The following DDX17 variants were observed in gnomAD, a reference collection of about 807,000 sequenced individuals.
DDX17 encodes the protein DEAD-box helicase 17.
A neutral mutation model predicts 80.8 loss-of-function variants in DDX17; 10 were observed. That is an observed-to-expected ratio of 0.12 (90% CI 0.08 to 0.21). The LOEUF (loss-of-function observed/expected upper bound fraction) is 0.21. Ranked by LOEUF, DDX17 falls within the 10% of genes least tolerant of loss-of-function variation. DDX17 has a pLI of 1.00. For synonymous variants in DDX17, 339 were observed against 336.2 expected (o/e 1.01, Z -0.09); for missense variants, 586 against 957.4 (o/e 0.61, Z 5.12).
chr22:38,495,669 T>G, intron 6 of DDX17, 127 bp downstream of exon 6: 1 of 722,474 alleles, frequency 1.4e-6, no homozygotes, highest in Non-Finnish European at 2.1e-6. Context: ...TTTAGTCACA[T>G]CTGAGAATTT....
At position 38,485,968 on chromosome 22, in the gene DDX17, A is replaced by G. The variant is rs749190419; in HGVS notation, c.2157T>C (p.Pro719=). 3 of 1,613,648 alleles carry G rather than the reference A, an allele frequency of 1.9e-6. No homozygotes were observed. In the East Asian group the frequency reaches 6.7e-5, roughly 36 times the overall value. ...GTGAAGGAGGAGGAGGGGGAGGAGG[A>G]GGAGGGTATTGGTAGGCAGTCTGCC... The change falls in exon 13 of 13, where the codon CCT becomes CCC. Residue 719 remains proline, a synonymous_variant. Coordinates refer to ENST00000403230, the MANE Select transcript of DDX17 (RefSeq NM_006386.5).
chr22:38,485,881 A>G lies in DDX17; in HGVS notation c.*54T>C. 6.4e-7 allele frequency: 1 copy of G among 1,562,628 alleles called. No individual in the cohort carries two copies. Among genetic ancestry groups the G allele is most frequent in the Non-Finnish European group, 8.7e-7 (1 of 1,156,032 alleles). On this transcript the variant is annotated 3_prime_UTR_variant, in exon 13 of 13. Coordinates refer to ENST00000403230, the MANE Select transcript of DDX17 (RefSeq NM_006386.5). The stretch of plus-strand genomic sequence containing the variant: ...CGAAGAGGAAAAAAAAAGGAAAGAC[A>G]GTGTTCCTTAAAATGTAATTAAGTC...
Position 38,501,249 on chromosome 22 carries a change from G to A in DDX17, c.319C>T (p.Pro107Ser), listed in dbSNP as rs765187619. The A allele has an allele frequency of 6.2e-7, 1 of 1,612,152 alleles. No individual in the cohort carries two copies. Among genetic ancestry groups the A allele is most frequent in the African/African-American group, 1.3e-5 (1 of 74,758 alleles). The change falls in exon 2 of 13, where the codon CCG (proline) becomes TCG (serine). Residue 107 changes from proline to serine, a missense_variant. Physicochemically the swap from Pro to Ser is moderately conservative, Grantham distance 74. Transcript: ENST00000403230. ...TCCCCAGGATTACCAAATTTCTTCG[G>A]GGGAAGGCCACCACCACCTCTTGCT...
intron 12 of DDX17, among the ~76,000 whole-genome samples, chr22:38,487,329 C>T (rs572621735): frequency 6.8e-6 from 1 of 147,768 alleles, no homozygotes; most frequent in South Asian, 2.1e-4. Flanking sequence ...ACTCCACAGA[C>T]CAGCCTCAGC....
rs1454476583 is a variant in DDX17, at chr22:38,506,195, G to A, written c.43C>T (p.Pro15Ser). 2 of 1,606,100 alleles carry A rather than the reference G, an allele frequency of 1.2e-6. No homozygotes were observed. Among genetic ancestry groups the A allele is most frequent in the African/African-American group, 2.7e-5 (2 of 74,534 alleles). The change falls in exon 1 of 13, where the codon CCG becomes TCG. Residue 15 changes from proline (P) to serine (S), a missense_variant. Around this residue, in one of 4 missense-constraint regions of DDX17, gnomAD observed 215 missense variants for 238.4 expected, o/e 0.90. Coordinates refer to ENST00000403230, the MANE Select transcript of DDX17 (RefSeq NM_006386.5). ...GTCGCCGCCTCTCTCGTCGGAGACG[G>A]GAGCAAAACACAGAGAATCGGGGCT... is the stretch of plus-strand genomic sequence containing the variant.
chr22:38,506,001 G>A lies in DDX17; in HGVS notation c.237C>T (p.Thr79=), dbSNP rs772915555. ...GGTCCCCAAAGCCTCCTCCGCGCATGGTCCCAAAAGGATAGAGATCTGGGA... is the reference window on the plus strand; with the variant it reads ...GGTCCCCAAAGCCTCCTCCGCGCATAGTCCCAAAAGGATAGAGATCTGGGA... Residue 79 remains threonine (T), a synonymous_variant, in exon 1 of 13, where the codon ACC becomes ACT. Transcript: ENST00000403230. 51 of 1,592,978 alleles carry A rather than the reference G, an allele frequency of 3.2e-5. No individual in the cohort carries two copies. The highest frequency in any genetic ancestry group is 3.8e-5 in the Non-Finnish European group (44 of 1,170,378).
Position 38,503,512 on chromosome 22 carries a change from T to C in DDX17, c.288-2232A>G, listed in dbSNP as rs951241668. Among the ~76,000 whole-genome samples, 25 of 152,352 alleles carry C rather than the reference T, an allele frequency of 1.6e-4. 1 individual carries two copies. The highest frequency in any genetic ancestry group is 5.8e-4 in the African/African-American group (24 of 41,582). Reference sequence around the variant, plus strand: ...ACATTTAATTTGAAACATGTGGTTCTTGGAAAATATGCCGTCTTCCATGTT... The same window carrying C: ...ACATTTAATTTGAAACATGTGGTTCCTGGAAAATATGCCGTCTTCCATGTT... On this transcript the variant is annotated intron_variant, in intron 1 of 12. Transcript: ENST00000403230.
intron 6 of DDX17, 93 bp from the exon 7 acceptor site, chr22:38,495,139 G>A (rs978603412): frequency 3.1e-6 from 4 of 1,280,960 alleles, no homozygotes; most frequent in Non-Finnish European, 3.2e-6. Flanking sequence ...CGGGAAGATC[G>A]CTTGAGGCCA....
chr22:38,498,591 T>G lies in DDX17; in HGVS notation c.539-18A>C, dbSNP rs751288188. ...TACATATTCTGTAAGAGAATTTTAT[T>G]TTGCGTATTTTATTGTGTTTAAAGA... On this transcript the variant is annotated intron_variant, in intron 3 of 12. Coordinates refer to ENST00000403230, the MANE Select transcript of DDX17 (RefSeq NM_006386.5). The G allele has an allele frequency of 1.1e-5, 17 of 1,612,736 alleles. No homozygotes were observed. Among genetic ancestry groups the G allele is most frequent in the Non-Finnish European group, 1.4e-5 (17 of 1,178,964 alleles).
chr22:38,486,170 G>C lies in DDX17; in HGVS notation c.1955C>G (p.Ala652Gly), dbSNP rs770318416. ...ATAAGTGCCAGCACCATATTCTTGA[G>C]CTGTATAGCTACTGGTGCCATAAGC... is the stretch of plus-strand genomic sequence containing the variant. The change falls in exon 13 of 13, where the codon GCT becomes GGT. Residue 652 changes from alanine (A) to glycine (G), a missense_variant. Physicochemically the swap from Ala to Gly is moderately conservative, Grantham distance 60 (BLOSUM62 0). This residue lies in a region of DDX17 where 221 missense variants were observed against 261.4 expected (regional missense o/e 0.85). Coordinates refer to ENST00000403230, the MANE Select transcript of DDX17 (RefSeq NM_006386.5). The C allele has an allele frequency of 6.2e-7, 1 of 1,614,234 alleles. No individual in the cohort carries two copies. Among genetic ancestry groups the C allele is most frequent in the Non-Finnish European group, 8.5e-7 (1 of 1,180,040 alleles).
chr22:38,486,507 T>G (rs1375334080), intron 12 of DDX17, 67 bp from the exon 13 acceptor site: 1 of 1,468,738 alleles, frequency 6.8e-7, no homozygotes, highest in Non-Finnish European at 9.0e-7. Context: ...ATGTAAAAAT[T>G]CTACTGGGTA....
intron 11 of DDX17, chr22:38,488,850 C>T (rs765431479): frequency 7.1e-6 from 7 of 985,146 alleles, no homozygotes; most frequent in Admixed American, 6.2e-5. Flanking sequence ...GATATTTTTG[C>T]TCAACTCAAG....
rs761392590 is a variant in DDX17, at chr22:38,488,126, AATG to A, written c.1448-14_1448-12del. ...TGACATCTTCCACATCTTCCACGTC[AATG>A]ATGAGTCAGTGTGTAGGTTGATGTG... On this transcript the variant is annotated splice_polypyrimidine_tract_variant and intron_variant, in intron 11 of 12. Coordinates refer to ENST00000403230, the MANE Select transcript of DDX17 (RefSeq NM_006386.5). The A allele has an allele frequency of 3.7e-6, 6 of 1,614,140 alleles. No homozygotes were observed. The highest frequency in any genetic ancestry group is 1.1e-5 in the South Asian group (1 of 91,080).
chr22:38,501,686 G>GA (rs1029434032), intron 1 of DDX17, among the ~76,000 whole-genome samples: 3 of 152,176 alleles, frequency 2.0e-5, no homozygotes, highest in African/African-American at 7.2e-5. Flanking sequence ...AGAGGCTGCT[G>GA]AGAAAATGAC....
At chr22:38,496,700 A>C (rs1228993269) in intron 5 of DDX17, among the ~76,000 whole-genome samples, 1 of 152,192 alleles carries the variant, frequency 6.6e-6, no homozygotes, top group Non-Finnish European at 1.5e-5. Flanking sequence ...GCAGAATGAC[A>C]CATTCCTGAC....
At chr22:38,498,277 G>T (rs991555156) in intron 4 of DDX17, 127 bp from the exon 5 acceptor site, 1 of 1,376,412 alleles carries the variant, frequency 7.3e-7, no homozygotes, top group Non-Finnish European at 1.0e-6. Context: ...CTATATACAG[G>T]AAGCAATACA....
chr22:38,484,005 TCAAA>T lies in DDX17; in HGVS notation c.*1926_*1929del, dbSNP rs552200609. ...ACTTGCTTGCCCAGAGACCTTTCCC[TCAAA>T]CAGATGCTTTCAAGAGCTGCGAGAG... On this transcript the variant is annotated 3_prime_UTR_variant, in exon 13 of 13. Coordinates refer to ENST00000403230, the MANE Select transcript of DDX17 (RefSeq NM_006386.5). The T allele has an allele frequency of 4.6e-5, 7 of 152,584 alleles. No homozygotes were observed. Among genetic ancestry groups the T allele is most frequent in the Admixed American group, 3.9e-4 (6 of 15,284 alleles). The allele number at this position is 152,584 out of a possible 1,614,324, so 9.5% of individuals were successfully genotyped here.
At position 38,506,033 on chromosome 22, in the gene DDX17, C is replaced by T. The variant is rs1385749350; in HGVS notation, c.205G>A (p.Ala69Thr). ...AAAGGATAGAGATCTGGGAGCGGGG[C>T]ACGGATGGCCGGGCTCGGGAGGGCC... Residue 69 changes from alanine to threonine, a missense_variant, in exon 1 of 13, where the codon GCC becomes ACC. Transcript: ENST00000403230. 6.3e-7 allele frequency: 1 copy of T among 1,588,132 alleles called. No homozygotes were observed. The highest frequency in any genetic ancestry group is 8.6e-7 in the Non-Finnish European group (1 of 1,168,102).
intron 11 of DDX17, chr22:38,488,631 C>T: frequency 1.0e-6 from 1 of 987,646 alleles, no homozygotes; most frequent in Non-Finnish European, 1.2e-6. Flanking sequence ...TATTTTATTA[C>T]TACAATTTAA....
Sources: gnomAD v4.1 joint callset for allele counts (sites outside exome capture counted in the v4.1 genomes callset) on GRCh38, gnomAD v4.1.1 for gene constraint, gnomAD v4.1.1 regional missense constraint, MANE v1.5 for transcripts, NCBI Gene and HGNC (gene_info 2026-07-23, HGNC 2026-07-21) for gene names.